Variants in CACNA2D3 observed in about 807,000 individuals in gnomAD.
CACNA2D3 encodes the protein voltage-dependent calcium channel subunit alpha-2/delta-3.
CACNA2D3 carries 60 observed loss-of-function variants against 160.6 expected under a neutral mutation model. That is an observed-to-expected ratio of 0.37 (90% CI 0.30 to 0.46). The LOEUF (loss-of-function observed/expected upper bound fraction) is 0.46, where lower values mean the gene tolerates loss of function less well. Ranked by LOEUF, CACNA2D3 falls within the 20% of genes least tolerant of loss-of-function variation. The probability of loss-of-function intolerance (pLI) is 1.00; values close to 1 mark genes in which losing one functional copy is unlikely to be tolerated. For synonymous variants in CACNA2D3, 558 were observed against 492.9 expected, an observed-to-expected ratio of 1.13 and a Z score of -1.75; for missense variants, 1,205 against 1,365.0, an observed-to-expected ratio of 0.88 and a Z score of 1.85.
intron 11 of CACNA2D3, among the ~76,000 whole-genome samples, chr3:54,667,447 C>T (rs1207895640): frequency 1.3e-5 from 2 of 152,118 alleles, no homozygotes; most frequent in Non-Finnish European, 2.9e-5. Context: ...GATGCATCTG[C>T]TTGCCATGGT....
intron 17 of CACNA2D3, among the ~76,000 whole-genome samples, chr3:54,853,297 C>A (rs1329599684): frequency 6.6e-6 from 1 of 152,194 alleles, no homozygotes. Context: ...TGGGAGTTTG[C>A]TACTACACAG....
chr3:54,949,679 G>A (rs1042670982), intron 27 of CACNA2D3, among the ~76,000 whole-genome samples: 3 of 152,158 alleles, frequency 2.0e-5, no homozygotes, highest in Non-Finnish European at 2.9e-5. Context: ...CTGAAAAACC[G>A]CCCAACATCG....
chr3:54,205,135 C>T (rs1272876188), intron 2 of CACNA2D3, among the ~76,000 whole-genome samples: 4 of 152,062 alleles, frequency 2.6e-5, no homozygotes, highest in African/African-American at 9.7e-5. Flanking sequence ...ACCTGACTAA[C>T]CACGGCTACG....
At chr3:55,060,410 G>C (rs1288519221) in intron 35 of CACNA2D3, among the ~76,000 whole-genome samples, 1 of 152,134 alleles carries the variant, frequency 6.6e-6, no homozygotes, top group Non-Finnish European at 1.5e-5. Context: ...GAGTGTAAAG[G>C]ATGAAACAAA....
chr3:54,881,565 G>C (rs1699796976), intron 21 of CACNA2D3, among the ~76,000 whole-genome samples: 1 of 152,168 alleles, frequency 6.6e-6, no homozygotes, highest in Non-Finnish European at 1.5e-5. Context: ...AGTTCAGAGA[G>C]GTTACCTGTC....
At chr3:54,356,805 G>A (rs930672089) in intron 3 of CACNA2D3, among the ~76,000 whole-genome samples, 1 of 152,106 alleles carries the variant, frequency 6.6e-6, no homozygotes, top group Non-Finnish European at 1.5e-5. Flanking sequence ...CATCATCAGT[G>A]TTTTTTAAAA....
chr3:55,009,154 C>T (rs1222971683), intron 33 of CACNA2D3, among the ~76,000 whole-genome samples: 1 of 152,150 alleles, frequency 6.6e-6, no homozygotes, highest in Non-Finnish European at 1.5e-5. Flanking sequence ...CAGGTTATTC[C>T]TCATCTAGGA....
At chr3:54,139,697 G>A (rs1235452358) in intron 2 of CACNA2D3, among the ~76,000 whole-genome samples, 1 of 152,170 alleles carries the variant, frequency 6.6e-6, no homozygotes, top group Non-Finnish European at 1.5e-5. Context: ...ACCCTCCCTT[G>A]AATGTTGACT....
intron 2 of CACNA2D3, among the ~76,000 whole-genome samples, chr3:54,227,735 G>A (rs749808536): frequency 2.6e-5 from 4 of 152,054 alleles, no homozygotes; most frequent in Non-Finnish European, 4.4e-5. Flanking sequence ...TTGTATTTTA[G>A]TAGAGACGGG....
At chr3:54,564,159 G>C (rs7427383) in intron 6 of CACNA2D3, among the ~76,000 whole-genome samples, 82,750 of 151,856 alleles carry the variant, frequency 0.54, 24,653 homozygotes, top group African/African-American at 0.8. Flanking sequence ...GTAGCCAACC[G>C]TCTCGCTATG....
intron 3 of CACNA2D3, among the ~76,000 whole-genome samples, chr3:54,362,162 G>A (rs1374094729): frequency 6.6e-6 from 1 of 152,184 alleles, no homozygotes; most frequent in Non-Finnish European, 1.5e-5. Flanking sequence ...AGAGGTCCAG[G>A]CACAGCAGAG....
chr3:54,489,118 G>A (rs1054431752), intron 4 of CACNA2D3, among the ~76,000 whole-genome samples: 1 of 152,184 alleles, frequency 6.6e-6, no homozygotes, highest in Non-Finnish European at 1.5e-5. Flanking sequence ...CTGGCCAGGA[G>A]GGCAGAGGCC....
intron 5 of CACNA2D3, among the ~76,000 whole-genome samples, chr3:54,513,863 CAG>C (rs902141774): frequency 1.3e-5 from 2 of 152,026 alleles, no homozygotes; most frequent in African/African-American, 4.8e-5. Flanking sequence ...GTATTTTTAT[CAG>C]AGACACCATG....
rs185602113 is a variant in CACNA2D3, at chr3:54,600,536, G to A, written c.963+18659G>A. On this transcript the variant is annotated intron_variant, in intron 9 of 37. Transcript: ENST00000474759. ...CAGCACAGATCAGTATGCCCCGGTT[G>A]GAGCTGAGTTCTCATTAGCATTCCA... Among the ~76,000 whole-genome samples, 29 of 152,290 alleles carry A rather than the reference G, an allele frequency of 1.9e-4. No homozygotes were observed. In the East Asian group the frequency reaches 5.2e-3, roughly 27 times the overall value.
chr3:54,924,823 T>C, intron 27 of CACNA2D3: 3 of 1,614,018 alleles, frequency 1.9e-6, no homozygotes, highest in Non-Finnish European at 2.5e-6. Context: ...AGGTGGCTTA[T>C]GTTGTTTGAT....
intron 2 of CACNA2D3, among the ~76,000 whole-genome samples, chr3:54,316,103 G>C (rs1703854643): frequency 6.6e-6 from 1 of 151,118 alleles, no homozygotes; most frequent in East Asian, 1.9e-4. Flanking sequence ...GTGCACGTGT[G>C]TGTGAGATTA....
At chr3:54,374,694 G>A (rs1469182259) in intron 3 of CACNA2D3, among the ~76,000 whole-genome samples, 1 of 152,124 alleles carries the variant, frequency 6.6e-6, no homozygotes, top group Non-Finnish European at 1.5e-5. Context: ...CAAGCTATAG[G>A]TTGGTGAAAA....
chr3:54,280,307 T>C (rs1027007724), intron 2 of CACNA2D3, among the ~76,000 whole-genome samples: 13 of 152,096 alleles, frequency 8.5e-5, no homozygotes, highest in African/African-American at 3.1e-4. Flanking sequence ...GGTCTCGATC[T>C]CCTGACCTCA....
At chr3:54,332,773 C>T (rs1018014951) in intron 3 of CACNA2D3, among the ~76,000 whole-genome samples, 2 of 152,192 alleles carry the variant, frequency 1.3e-5, no homozygotes, top group African/African-American at 4.8e-5. Flanking sequence ...GAAGCATGCT[C>T]ACCTCACCTG....
Sources: gnomAD v4.1 joint callset for allele counts (sites outside exome capture counted in the v4.1 genomes callset) on GRCh38, gnomAD v4.1.1 for gene constraint, MANE v1.5 for transcripts, NCBI Gene and HGNC (gene_info 2026-07-23, HGNC 2026-07-21) for gene names.